PIP5K1C: variants seen among roughly 807,000 people sequenced by gnomAD.
The protein encoded by PIP5K1C is phosphatidylinositol-4-phosphate 5-kinase type 1 gamma.
Under a neutral mutation model 80.1 loss-of-function variants are expected in PIP5K1C, and 45 were observed. The observed-to-expected ratio is 0.56, with a 90% confidence interval of 0.44 to 0.72. PIP5K1C has a LOEUF of 0.72. Among genes scored for constraint, PIP5K1C ranks in the 30% least tolerant of loss-of-function variants. The pLI, the probability that PIP5K1C is intolerant of heterozygous loss-of-function variation, is 0.00. For synonymous variants in PIP5K1C, 498 were observed against 420.1 expected (o/e 1.19, Z -2.27); for missense variants, 753 against 954.6 (o/e 0.79, Z 2.78).
chr19:3,693,106 G>C (rs768924085), intron 1 of PIP5K1C, among the ~76,000 whole-genome samples: 1 of 152,088 alleles, frequency 6.6e-6, no homozygotes, highest in Non-Finnish European at 1.5e-5. Context: ...CACTCCCAGA[G>C]TTCCTTAGGG....
Position 3,643,261 on chromosome 19 carries a change from G to C in PIP5K1C, c.1631C>G (p.Ser544Trp). The part of the protein sequence containing the change: ...SIPERSPSET[S>W]EQPRYRRRTQ... ...CGCCCACCTGTACCGCGGCTGCTCC[G>C]ACGTCTCCGAGGGGGACCGCTCAGG... Residue 544 changes from serine to tryptophan, a missense_variant, in exon 13 of 18, where the codon TCG (serine) becomes TGG (tryptophan). By Grantham distance (177) the Ser-to-Trp change is radical. Around this residue, in one of 6 missense-constraint regions of PIP5K1C, gnomAD observed 315 missense variants for 294.5 expected, o/e 1.07. Transcript: ENST00000335312. 3.1e-6 allele frequency: 5 copies of C among 1,613,636 alleles called. No individual in the cohort carries two copies. Among genetic ancestry groups the C allele is most frequent in the East Asian group, 4.5e-5 (2 of 44,878 alleles).
In PIP5K1C at chr19:3,652,005, G is replaced by A. The variant is rs751450551; in HGVS notation, c.948C>T (p.Asp316=). Residue 316 remains aspartate, a synonymous_variant, in exon 8 of 18, where the codon GAC becomes GAT. Transcript: ENST00000335312. ...CLVLESFKIM[D]YSLLLGVHNI... The stretch of plus-strand genomic sequence containing the variant: ...TGTGCACGCCCAGCAGCAGGCTGTA[G>A]TCCATGATCTTGAAACTTTCCAGGA... The A allele has an allele frequency of 6.8e-6, 11 of 1,613,052 alleles. No individual in the cohort carries two copies. In the Admixed American group the frequency reaches 1.3e-4, roughly 20 times the overall value.
chr19:3,654,591 G>A (rs989308695), intron 6 of PIP5K1C, among the ~76,000 whole-genome samples: 3 of 151,078 alleles, frequency 2.0e-5, no homozygotes, highest in East Asian at 2.0e-4. Context: ...CGAGGCGGGC[G>A]GATCACCTGA....
rs1252246496 is a variant in PIP5K1C, at chr19:3,640,435, G to C, written c.1787+1270C>G. ...GGAGGCTGAGGCAAGAGAATCACTT[G>C]AACCCAGGAGGTGGAGGTTGCAGTG... On this transcript the variant is annotated intron_variant, in intron 15 of 17. Coordinates refer to ENST00000335312, the MANE Select transcript of PIP5K1C (RefSeq NM_012398.3). 4.6e-5 allele frequency among the ~76,000 whole-genome samples: 7 copies of C among 152,130 alleles called. No homozygotes were observed. In the East Asian group the frequency reaches 1.4e-3, roughly 29 times the overall value.
intron 16 of PIP5K1C, among the ~76,000 whole-genome samples, chr19:3,635,843 G>A (rs1424846966): frequency 6.6e-6 from 1 of 152,198 alleles, no homozygotes; most frequent in Non-Finnish European, 1.5e-5. Flanking sequence ...AGCCAGGCAT[G>A]ATGGCGGGCG....
intron 4 of PIP5K1C, 32 bp from the exon 5 acceptor site, chr19:3,661,115 G>T (rs757743696): frequency 3.4e-6 from 5 of 1,479,930 alleles, no homozygotes; most frequent in Non-Finnish European, 4.7e-6. Flanking sequence ...AAACCTGTGA[G>T]GGGTGGTGGG....
rs748870853 is a variant in PIP5K1C at position 3,638,982 on chromosome 19, C to T, written c.1822G>A (p.Val608Ile). ...EASPAGASAAVEVETASQASD... is the reference protein window; with the variant it reads ...EASPAGASAAIEVETASQASD... ...GCCTGGCTGGCAGTTTCTACTTCAA[C>T]AGCAGCAGAGGCACCGGCCGGGGAA... The change falls in exon 16 of 18, where the codon GTT becomes ATT. Residue 608 changes from valine (V) to isoleucine (I), a missense_variant. Physicochemically the swap from Val to Ile is conservative, Grantham distance 29 (BLOSUM62 3). This residue lies in a region of PIP5K1C where 315 missense variants were observed against 294.5 expected (regional missense o/e 1.07). Transcript: ENST00000335312. The T allele has an allele frequency of 5.6e-6, 9 of 1,611,906 alleles. No individual in the cohort carries two copies. Among genetic ancestry groups the T allele is most frequent in the Non-Finnish European group, 6.8e-6 (8 of 1,179,900 alleles).
rs763569400 is a variant in PIP5K1C, at chr19:3,644,175, G to A, written c.1422C>T (p.Ala474=). ...CGCTAGGGATCTGGCTGGCCGAGAA[G>A]GCAGCGGTGGGCCCCAGCGGTTTCA... ...LAVKPLGPTA[A]FSASQIPSER... The change falls in exon 12 of 18, where the codon GCC becomes GCT. Residue 474 remains alanine (A), a synonymous_variant. Transcript: ENST00000335312. The A allele has an allele frequency of 1.2e-6, 2 of 1,612,370 alleles. No homozygotes were observed. The highest frequency in any genetic ancestry group is 1.7e-6 in the Non-Finnish European group (2 of 1,179,886).
chr19:3,687,389 C>T (rs2035792213), intron 1 of PIP5K1C, among the ~76,000 whole-genome samples: 1 of 151,844 alleles, frequency 6.6e-6, no homozygotes, highest in Non-Finnish European at 1.5e-5. Context: ...AGAAAGAAGT[C>T]CAAGTGTGCA....
At chr19:3,653,192 C>A in intron 7 of PIP5K1C, 98 bp downstream of exon 7, 1 of 1,163,412 alleles carries the variant, frequency 8.6e-7, no homozygotes, top group African/African-American at 1.5e-5. Context: ...AGGTGGGCCT[C>A]GGCCTGGCAC....
chr19:3,651,588 A>C (rs1568325003), intron 8 of PIP5K1C, among the ~76,000 whole-genome samples: 1 of 152,160 alleles, frequency 6.6e-6, no homozygotes, highest in African/African-American at 2.4e-5. Flanking sequence ...TCACGGGTGA[A>C]TGGGAAACGC....
chr19:3,638,021 G>C, intron 16 of PIP5K1C: 2 of 1,496,530 alleles, frequency 1.3e-6, no homozygotes, highest in Non-Finnish European at 1.8e-6. Context: ...AGACAGAGCA[G>C]GGGAGTTAGT....
intron 16 of PIP5K1C, among the ~76,000 whole-genome samples, chr19:3,635,916 C>A (rs2033667644): frequency 6.6e-6 from 1 of 151,052 alleles, no homozygotes; most frequent in Admixed American, 6.6e-5. Context: ...GGAGGCGGAA[C>A]TTGCAGCGAG....
rs200509774 is a variant in PIP5K1C at position 3,633,448 on chromosome 19, C to T, written c.1993G>A (p.Glu665Lys). ...TGGGCTGCACTTACTGTGTCGCTCT[C>T]GCCGTCGGAGGCCGGGGGGGCCTGG... ...SAQAPPASDG[E>K]SDT is the part of the protein sequence containing the mutation. Residue 665 changes from glutamate to lysine, a missense_variant, in exon 17 of 18, where the codon GAG (glutamate) becomes AAG (lysine). Around this residue, in one of 6 missense-constraint regions of PIP5K1C, gnomAD observed 315 missense variants for 294.5 expected, o/e 1.07. Coordinates refer to ENST00000335312, the MANE Select transcript of PIP5K1C (RefSeq NM_012398.3). The T allele has an allele frequency of 6.9e-5, 103 of 1,497,718 alleles. No homozygotes were observed. The highest frequency in any genetic ancestry group is 8.9e-5 in the Non-Finnish European group (100 of 1,120,494). 92.8% of individuals were successfully genotyped at this position (1,497,718 alleles called of 1,614,324 possible).
At position 3,651,897 on chromosome 19, in the gene PIP5K1C, C is replaced by G. The variant is rs760381652; in HGVS notation, c.1056G>C (p.Ala352=). Residue 352 remains alanine (A), a synonymous_variant, in exon 8 of 18, where the codon GCG becomes GCC. Transcript: ENST00000335312. ...TGGACTCCATGGCCGTGGAGTAGAG[C>G]GCCTTCTGGCCCACAGGCCGCTTCT... is the stretch of plus-strand genomic sequence containing the variant. ...SDEKRPVGQK[A]LYSTAMESIQ... The G allele has an allele frequency of 1.2e-6, 2 of 1,612,812 alleles. No homozygotes were observed. The highest frequency in any genetic ancestry group is 1.7e-5 in the Admixed American group (1 of 60,026).
At chr19:3,645,921 G>A (rs879046988) in intron 11 of PIP5K1C, 53 bp downstream of exon 11, 11 of 1,417,776 alleles carry the variant, frequency 7.8e-6, no homozygotes, top group South Asian at 5.7e-5. Flanking sequence ...GCCCCACGGC[G>A]CTCTGGGCCT....
chr19:3,655,119 A>T (rs1387767508), intron 6 of PIP5K1C, among the ~76,000 whole-genome samples: 5 of 148,494 alleles, frequency 3.4e-5, no homozygotes, highest in East Asian at 2.0e-4. Context: ...AAAAAAAAAA[A>T]AAAAAAAAAA....
chr19:3,642,308 G>C (rs968477725), intron 14 of PIP5K1C, among the ~76,000 whole-genome samples: 2 of 152,252 alleles, frequency 1.3e-5, no homozygotes, highest in Admixed American at 1.3e-4. Flanking sequence ...GTTCACAAGA[G>C]TGAGACCCCA....
At chr19:3,670,234 C>T (rs1488464293) in intron 1 of PIP5K1C, among the ~76,000 whole-genome samples, 1 of 152,190 alleles carries the variant, frequency 6.6e-6, no homozygotes, top group African/African-American at 2.4e-5. Context: ...TGGACGGTGT[C>T]CCTCCGACAT....
Sources: allele counts gnomAD v4.1 joint callset (sites outside exome capture counted in the v4.1 genomes callset), GRCh38; gene constraint gnomAD v4.1.1; regional missense constraint gnomAD v4.1.1; transcripts MANE v1.5; gene names NCBI Gene and HGNC (gene_info 2026-07-23, HGNC 2026-07-21).